Variants in MSRA observed in about 807,000 individuals in gnomAD.
The protein encoded by MSRA is methionine sulfoxide reductase A, also known as mitochondrial peptide methionine sulfoxide reductase.
A neutral mutation model predicts 31.3 loss-of-function variants in MSRA; 54 were observed. The observed-to-expected ratio is 1.73, with a 90% confidence interval of 1.39 to 2.17. MSRA has a LOEUF of 2.17. MSRA is among the 30% of genes most tolerant of loss of function. The pLI is 0.00. For synonymous variants in MSRA, 169 were observed against 116.5 expected (o/e 1.45, Z -2.90); for missense variants, 507 against 300.9 (o/e 1.69, Z -5.07).
intron 5 of MSRA, among the ~76,000 whole-genome samples, chr8:10,398,797 C>A (rs1001286326): frequency 6.6e-6 from 1 of 152,144 alleles, no homozygotes; most frequent in Non-Finnish European, 1.5e-5. Flanking sequence ...TCTTTTTTAA[C>A]CTTATTATGT....
chr8:10,068,117 C>T (rs1029195440), intron 1 of MSRA, among the ~76,000 whole-genome samples: 1 of 152,084 alleles, frequency 6.6e-6, no homozygotes, highest in Non-Finnish European at 1.5e-5. Flanking sequence ...CTTTTGACCT[C>T]AAGCAGACTG....
chr8:10,400,275 T>C (rs1807371670), intron 5 of MSRA, among the ~76,000 whole-genome samples: 2 of 149,018 alleles, frequency 1.3e-5, no homozygotes, highest in African/African-American at 2.5e-5. Context: ...TGGGTTACAG[T>C]GGAGAGGGTG....
At chr8:10,328,054 G>T (rs80205983) in intron 5 of MSRA, among the ~76,000 whole-genome samples, 16,277 of 57,916 alleles carry the variant, frequency 0.28, 1,662 homozygotes, top group Non-Finnish European at 0.34. Context: ...TTTTTTTTTA[G>T]TATCAGTGAC....
intron 1 of MSRA, among the ~76,000 whole-genome samples, chr8:10,107,058 A>G (rs1270887910): frequency 6.6e-6 from 1 of 152,176 alleles, no homozygotes; most frequent in South Asian, 2.1e-4. Flanking sequence ...CATGGATAGA[A>G]CACAGATAAC....
At chr8:10,385,475 G>A (rs978412021) in intron 5 of MSRA, among the ~76,000 whole-genome samples, 5 of 152,226 alleles carry the variant, frequency 3.3e-5, no homozygotes, top group Admixed American at 3.3e-4. Flanking sequence ...TGTGGCACAT[G>A]TGGGGCAGAG....
chr8:10,165,935 C>A (rs1459211146), intron 1 of MSRA, among the ~76,000 whole-genome samples: 2 of 152,166 alleles, frequency 1.3e-5, no homozygotes, highest in Non-Finnish European at 2.9e-5. Flanking sequence ...AGAAGCCAAG[C>A]AGACTGGCCT....
intron 2 of MSRA, among the ~76,000 whole-genome samples, chr8:10,230,711 A>G (rs555431221): frequency 2.6e-5 from 4 of 152,342 alleles, no homozygotes; most frequent in Admixed American, 2.0e-4. Context: ...CATAAAAATC[A>G]CCTGTAATCT....
chr8:10,164,188 G>A (rs934813237), intron 1 of MSRA, among the ~76,000 whole-genome samples: 1 of 152,156 alleles, frequency 6.6e-6, no homozygotes, highest in Admixed American at 6.5e-5. Flanking sequence ...GTGTTAGCAG[G>A]TATCATTCTC....
intron 5 of MSRA, among the ~76,000 whole-genome samples, chr8:10,388,289 T>C (rs1806517559): frequency 1.3e-5 from 2 of 152,330 alleles, no homozygotes; most frequent in South Asian, 4.1e-4. Flanking sequence ...GACTTGAGGC[T>C]GTGCCTTCTC....
intron 2 of MSRA, among the ~76,000 whole-genome samples, chr8:10,216,105 A>G (rs896701652): frequency 1.3e-5 from 2 of 152,216 alleles, no homozygotes; most frequent in African/African-American, 4.8e-5. Context: ...GATCAAATTC[A>G]GATAATATAA....
intron 1 of MSRA, among the ~76,000 whole-genome samples, chr8:10,096,993 G>A (rs1799201048): frequency 2.6e-5 from 4 of 152,162 alleles, no homozygotes; most frequent in Admixed American, 6.5e-5. Flanking sequence ...ATAAAAGACT[G>A]CCCCTGGATC....
intron 1 of MSRA, among the ~76,000 whole-genome samples, chr8:10,200,369 G>C (rs75932616): frequency 0.017 from 2,569 of 152,282 alleles, 79 homozygotes; most frequent in African/African-American, 0.059. Flanking sequence ...TATGGTCCCT[G>C]GTCACCATGG....
chr8:10,083,786 G>C (rs1437094453), intron 1 of MSRA, among the ~76,000 whole-genome samples: 2 of 152,024 alleles, frequency 1.3e-5, no homozygotes, highest in Non-Finnish European at 2.9e-5. Flanking sequence ...GATGTCTGTG[G>C]ATTAATGGCG....
At chr8:10,351,855 C>A (rs779766627) in intron 5 of MSRA, among the ~76,000 whole-genome samples, 1 of 152,188 alleles carries the variant, frequency 6.6e-6, no homozygotes, top group Non-Finnish European at 1.5e-5. Flanking sequence ...TCCTAATAAA[C>A]TCCCAGAAGA....
At chr8:10,394,596 A>C (rs1806978131) in intron 5 of MSRA, among the ~76,000 whole-genome samples, 1 of 152,254 alleles carries the variant, frequency 6.6e-6, no homozygotes, top group Non-Finnish European at 1.5e-5. Flanking sequence ...AAAGATGGGA[A>C]AACCAAGGCT....
intron 3 of MSRA, among the ~76,000 whole-genome samples, chr8:10,250,223 C>G (rs1055742060): frequency 6.6e-6 from 1 of 152,122 alleles, no homozygotes; most frequent in Non-Finnish European, 1.5e-5. Context: ...TATTCAGATT[C>G]CTGAATACTC....
intron 4 of MSRA, among the ~76,000 whole-genome samples, chr8:10,315,013 C>G (rs1033760098): frequency 6.6e-6 from 1 of 152,076 alleles, no homozygotes; most frequent in African/African-American, 2.4e-5. Flanking sequence ...ACAATTATGA[C>G]CAAAGGCGAA....
chr8:10,283,431 C>G (rs954328705), intron 3 of MSRA, among the ~76,000 whole-genome samples: 1 of 151,812 alleles, frequency 6.6e-6, no homozygotes, highest in Non-Finnish European at 1.5e-5. Context: ...TACTGCTTTT[C>G]TTTTTTAAAA....
At chr8:10,127,667 G>A (rs1190124547) in intron 1 of MSRA, among the ~76,000 whole-genome samples, 1 of 152,192 alleles carries the variant, frequency 6.6e-6, no homozygotes, top group Non-Finnish European at 1.5e-5. Context: ...TGGGATTAAG[G>A]TACTAGTTAT....
Sources: gnomAD v4.1 joint callset for allele counts (sites outside exome capture counted in the v4.1 genomes callset) on GRCh38, gnomAD v4.1.1 for gene constraint, MANE v1.5 for transcripts, NCBI Gene and HGNC (gene_info 2026-07-23, HGNC 2026-07-21) for gene names.